Variants in KCNK9 observed in about 807,000 individuals in gnomAD.
KCNK9 encodes potassium channel subfamily K member 9.
In KCNK9, 1 loss-of-function variant was observed where a neutral mutation model predicts 10.8. The ratio of observed to expected loss-of-function variants is 0.09; its 90% CI spans 0.03 to 0.44. The LOEUF is 0.44. KCNK9 is among the 20% of genes least tolerant of loss of function. The pLI is 0.97. For missense variants in KCNK9, 303 were observed against 515.0 expected, an observed-to-expected ratio of 0.59 and a Z score of 3.98; for synonymous variants, 231 against 222.7, an observed-to-expected ratio of 1.04 and a Z score of -0.33.
chr8:139,621,707 A>G (rs1009869681), intron 1 of KCNK9, among the ~76,000 whole-genome samples: 4 of 152,200 alleles, frequency 2.6e-5, no homozygotes, highest in Admixed American at 2.6e-4. Flanking sequence ...AGGACACCAT[A>G]TGGAAACTTA....
intron 1 of KCNK9, among the ~76,000 whole-genome samples, chr8:139,627,937 G>A (rs1434789108): frequency 1.3e-5 from 2 of 152,218 alleles, no homozygotes; most frequent in Admixed American, 1.3e-4. Flanking sequence ...AGGACGGTGG[G>A]CCAGGGTGAC....
chr8:139,625,376 T>G (rs1201632185), intron 1 of KCNK9, among the ~76,000 whole-genome samples: 3 of 152,190 alleles, frequency 2.0e-5, no homozygotes, highest in African/African-American at 4.8e-5. Flanking sequence ...TGCTGGGTAG[T>G]CACAGCCTGG....
At chr8:139,661,785 G>A (rs1293863883) in intron 1 of KCNK9, among the ~76,000 whole-genome samples, 3 of 152,232 alleles carry the variant, frequency 2.0e-5, no homozygotes, top group Non-Finnish European at 4.4e-5. Context: ...CAAGCTCCCA[G>A]ACCTCTGAGG....
chr8:139,627,334 C>A (rs1203275529), intron 1 of KCNK9, among the ~76,000 whole-genome samples: 1 of 152,178 alleles, frequency 6.6e-6, no homozygotes, highest in Admixed American at 6.5e-5. Flanking sequence ...GGCTTGGTCT[C>A]CTGTTCAATC....
chr8:139,690,891 G>A (rs973956142), intron 1 of KCNK9, among the ~76,000 whole-genome samples: 3 of 152,168 alleles, frequency 2.0e-5, no homozygotes, highest in Non-Finnish European at 4.4e-5. Flanking sequence ...AACCTGTCTT[G>A]TAAACTAGAT....
chr8:139,626,207 A>C (rs1310261825), intron 1 of KCNK9, among the ~76,000 whole-genome samples: 3 of 152,166 alleles, frequency 2.0e-5, no homozygotes, highest in Non-Finnish European at 4.4e-5. Context: ...GTGGCTCCCC[A>C]TGTCCCCCCT....
intron 1 of KCNK9, among the ~76,000 whole-genome samples, chr8:139,675,353 C>A (rs1816525287): frequency 6.6e-6 from 1 of 152,204 alleles, no homozygotes; most frequent in Admixed American, 6.5e-5. Flanking sequence ...CAGTGTGTCC[C>A]CTAAAATCCA....
At chr8:139,667,960 C>T (rs1422983014) in intron 1 of KCNK9, among the ~76,000 whole-genome samples, 1 of 152,150 alleles carries the variant, frequency 6.6e-6, no homozygotes, top group Non-Finnish European at 1.5e-5. Context: ...CAAAGCCACA[C>T]CTCCTTTTAC....
At chr8:139,691,404 G>C (rs1217403040) in intron 1 of KCNK9, among the ~76,000 whole-genome samples, 2 of 152,126 alleles carry the variant, frequency 1.3e-5, no homozygotes, top group Non-Finnish European at 2.9e-5. Context: ...TTTCAACATT[G>C]CCGAGGGCTG....
chr8:139,657,868 C>T (rs973137750), intron 1 of KCNK9, among the ~76,000 whole-genome samples: 2 of 152,200 alleles, frequency 1.3e-5, no homozygotes, highest in African/African-American at 4.8e-5. Context: ...GGTCCCCACC[C>T]ACATCACCCC....
intron 1 of KCNK9, among the ~76,000 whole-genome samples, chr8:139,657,166 G>C (rs949135267): frequency 1.3e-5 from 2 of 152,200 alleles, no homozygotes; most frequent in African/African-American, 4.8e-5. Flanking sequence ...AGTGAGAATG[G>C]TGGGAAGGCA....
rs2130103823 is a variant in KCNK9, at chr8:139,618,475, C to T, written c.908G>A (p.Arg303His). The part of the protein sequence containing the change: ...LQSVCSCTCY[R>H]SQDYGGRSVA... ...CGAGCGGCCGCCATAGTCCTGCGAG[C>T]GGTAGCAGGTGCAGGAGCACACAGA... Residue 303 changes from arginine to histidine, a missense_variant, in exon 2 of 2, where the codon CGC (arginine) becomes CAC (histidine). Arg to His is a conservative substitution (Grantham distance 29). Around this residue, in one of 5 missense-constraint regions of KCNK9, gnomAD observed 138 missense variants for 161.1 expected, o/e 0.86. Transcript: ENST00000520439. This position sits in a 1 kb window ranked among gnomAD's most constrained non-coding sequence, Gnocchi z 7.9. 6 of 1,613,926 alleles carry T rather than the reference C, an allele frequency of 3.7e-6. No homozygotes were observed. The East Asian group carries it at 6.7e-5, about 18-fold the overall frequency.
downstream of KCNK9, among the ~76,000 whole-genome samples, chr8:139,615,297 C>T (rs935599726): frequency 6.6e-6 from 1 of 152,152 alleles, no homozygotes; most frequent in Non-Finnish European, 1.5e-5. Context: ...AAAGGCTGCT[C>T]AGTGAGATGA....
chr8:139,666,609 T>A (rs1317980667), intron 1 of KCNK9, among the ~76,000 whole-genome samples: 1 of 152,218 alleles, frequency 6.6e-6, no homozygotes, highest in East Asian at 1.9e-4. Flanking sequence ...CGCCACAACA[T>A]TGCTGAGGCC....
chr8:139,651,760 G>A (rs1182209245), intron 1 of KCNK9, among the ~76,000 whole-genome samples: 1 of 152,164 alleles, frequency 6.6e-6, no homozygotes, highest in African/African-American at 2.4e-5. Context: ...GAGAATAGGA[G>A]GAATCATGCT....
chr8:139,626,646 G>A (rs928508332), intron 1 of KCNK9, among the ~76,000 whole-genome samples: 1 of 152,210 alleles, frequency 6.6e-6, no homozygotes, highest in African/African-American at 2.4e-5. Context: ...GCAGGTGAGG[G>A]GTACCCATGG....
chr8:139,680,698 G>T lies in KCNK9; in HGVS notation c.283+22012C>A, dbSNP rs144122054. ...CAGCCCTGTGAGGCTGACACTCTCA[G>T]GATCCCCACTTGGCAGGAGAGGAAA... On this transcript the variant is annotated intron_variant, in intron 1 of 1. Coordinates refer to ENST00000520439, the MANE Select transcript of KCNK9 (RefSeq NM_001282534.2). Among the ~76,000 whole-genome samples the T allele has an allele frequency of 9.0e-3, 1,376 of 152,230 alleles. 11 individuals carry two copies. The highest frequency in any genetic ancestry group is 0.014 in the Non-Finnish European group (943 of 67,992).
intron 1 of KCNK9, among the ~76,000 whole-genome samples, chr8:139,622,825 C>T (rs138763067): frequency 1.3e-5 from 2 of 152,258 alleles, no homozygotes; most frequent in African/African-American, 2.4e-5. Flanking sequence ...TTCCCAAATA[C>T]CTGTACAGAA....
chr8:139,671,074 C>T (rs1816416226), intron 1 of KCNK9, among the ~76,000 whole-genome samples: 1 of 152,234 alleles, frequency 6.6e-6, no homozygotes, highest in Non-Finnish European at 1.5e-5. Flanking sequence ...CCTGGGACCA[C>T]CTCTATTCTG....
Sources: gnomAD v4.1 joint callset for allele counts (sites outside exome capture counted in the v4.1 genomes callset) on GRCh38, gnomAD v4.1.1 for gene constraint, gnomAD v4.1.1 regional missense constraint, Gnocchi (gnomAD v3.1) non-coding constraint, MANE v1.5 for transcripts, NCBI Gene and HGNC (gene_info 2026-07-23, HGNC 2026-07-21) for gene names.